Variants in CMTR1 observed in about 807,000 individuals in gnomAD.
CMTR1 encodes cap methyltransferase 1, also known as cap-specific mRNA (nucleoside-2'-O-)-methyltransferase 1.
A neutral mutation model predicts 107.0 loss-of-function variants in CMTR1; 39 were observed. The ratio of observed to expected loss-of-function variants is 0.36; its 90% confidence interval spans 0.28 to 0.48. The LOEUF (loss-of-function observed/expected upper bound fraction) is 0.48, where lower values mean the gene tolerates loss of function less well. Among genes scored for constraint, CMTR1 ranks in the 20% least tolerant of loss-of-function variants. CMTR1 has a pLI of 0.99. For synonymous variants in CMTR1, 366 were observed against 379.5 expected, an observed-to-expected ratio of 0.96 and a Z score of 0.41; for missense variants, 672 against 1,064.9, an observed-to-expected ratio of 0.63 and a Z score of 5.14.
chr6:37,442,579 CAAT>C, intron 2 of CMTR1, among the ~76,000 whole-genome samples: 1 of 152,314 alleles, frequency 6.6e-6, no homozygotes, highest in Non-Finnish European at 1.5e-5. Context: ...AAGTGGCAAA[CAAT>C]AACTGGCTCT....
intron 2 of CMTR1, 110 bp from the exon 3 acceptor site, chr6:37,443,889 T>G: frequency 8.3e-7 from 1 of 1,206,258 alleles, no homozygotes; most frequent in Non-Finnish European, 1.1e-6. Context: ...TTAATGAACT[T>G]TATATGTGCA....
At chr6:37,431,562 C>T (rs1394331422), upstream of CMTR1, among the ~76,000 whole-genome samples, 1 of 152,166 alleles carries the variant, frequency 6.6e-6, no homozygotes, top group Non-Finnish European at 1.5e-5. Flanking sequence ...ACAGAGTTTA[C>T]AGCTGAGTCG....
intron 5 of CMTR1, among the ~76,000 whole-genome samples, chr6:37,451,249 C>T (rs185134366): frequency 6.6e-6 from 1 of 152,082 alleles, no homozygotes; most frequent in Non-Finnish European, 1.5e-5. Context: ...TCAGGATCCT[C>T]AATAATTTTT....
Position 37,458,645 on chromosome 6 carries a change from C to T in CMTR1, c.811C>T (p.Leu271=), listed in dbSNP as rs564663246. 6.2e-7 allele frequency: 1 copy of T among 1,613,886 alleles called. No homozygotes were observed. The highest frequency in any genetic ancestry group is 1.7e-5 in the Admixed American group (1 of 60,012). The change falls in exon 9 of 24, where the codon CTG becomes TTG. Residue 271 remains leucine, a synonymous_variant. Transcript: ENST00000373451. The surrounding 1 kb of genome is among the most constrained non-coding windows in gnomAD (Gnocchi z 4.7). ...GGTGAAGGACCGGGAAGCTGAGCTTCTGTACTTTGCTGATGTCTGCGCAGG... is the reference window on the plus strand; with the variant it reads ...GGTGAAGGACCGGGAAGCTGAGCTTTTGTACTTTGCTGATGTCTGCGCAGG... The part of the protein sequence containing the change: ...PLVKDREAEL[L]YFADVCAGPG...
Position 37,480,868 on chromosome 6 carries a change from T to G in CMTR1, c.*723T>G. On this transcript the variant is annotated 3_prime_UTR_variant, in exon 24 of 24. Coordinates refer to ENST00000373451, the MANE Select transcript of CMTR1 (RefSeq NM_015050.3). ...TGAGTATGGAGTTGTAGAGCCATCC[T>G]AGGTGCCATCCCCTTTTGGTCCAAA... is the stretch of plus-strand genomic sequence containing the variant. 1 of 1,194,056 alleles carries G rather than the reference T, an allele frequency of 8.4e-7. No individual in the cohort carries two copies. Among genetic ancestry groups the G allele is most frequent in the Non-Finnish European group, 1.1e-6 (1 of 945,950 alleles). The allele number at this position is 1,194,056 out of a possible 1,614,324, so 74.0% of individuals were successfully genotyped here.
upstream of CMTR1, chr6:37,433,177 C>T (rs926568041): frequency 1.3e-5 from 2 of 152,716 alleles, no homozygotes; most frequent in African/African-American, 4.8e-5. Context: ...CGGGGGAGGA[C>T]CGAGGCGCGG....
At chr6:37,465,108 A>C (rs1014854779) in intron 13 of CMTR1, among the ~76,000 whole-genome samples, 1 of 152,048 alleles carries the variant, frequency 6.6e-6, no homozygotes, top group Non-Finnish European at 1.5e-5. Flanking sequence ...ATCTCTACTG[A>C]AAATACAAAA....
At chr6:37,465,195 G>C (rs1037603784) in intron 13 of CMTR1, among the ~76,000 whole-genome samples, 2 of 151,760 alleles carry the variant, frequency 1.3e-5, no homozygotes, top group African/African-American at 4.8e-5. Context: ...TTGAACCCGG[G>C]AGGCGAGGTT....
chr6:37,461,403 TAACTC>T (rs1440437239), intron 10 of CMTR1, 141 bp from the exon 11 acceptor site: 1 of 520,002 alleles, frequency 1.9e-6, no homozygotes, highest in Non-Finnish European at 3.4e-6. Flanking sequence ...CCTTCTAAAA[TAACTC>T]AACACTGAGC....
chr6:37,462,956 G>GGGGGA lies in CMTR1; in HGVS notation c.1453_1454insGGGGA (p.Val485GlyfsTer3). 5 of 1,614,176 alleles carry GGGGGA rather than the reference G, an allele frequency of 3.1e-6. No homozygotes were observed. The highest frequency in any genetic ancestry group is 4.2e-6 in the Non-Finnish European group (5 of 1,180,014). ...CGTCAACTTGGTGGTCCCCCTGGAG[G>GGGGGA]TGATCAAGGGAGACCATGAATTTAC... On this transcript the variant is annotated frameshift_variant, in exon 13 of 24. Coordinates refer to ENST00000373451, the MANE Select transcript of CMTR1 (RefSeq NM_015050.3). LOFTEE classifies it high-confidence loss of function.
chr6:37,444,191 C>G, intron 3 of CMTR1, 41 bp downstream of exon 3: 1 of 1,594,246 alleles, frequency 6.3e-7, no homozygotes, highest in Non-Finnish European at 8.5e-7. Flanking sequence ...GCCCCACCAG[C>G]AGAGTGAAAG....
At chr6:37,430,166 C>G (rs1333295856), upstream of CMTR1, among the ~76,000 whole-genome samples, 1 of 152,172 alleles carries the variant, frequency 6.6e-6, no homozygotes, top group Non-Finnish European at 1.5e-5. Context: ...TTGGGAAACT[C>G]ACTCTTGATT....
intron 1 of CMTR1, among the ~76,000 whole-genome samples, chr6:37,433,857 A>C (rs933636748): frequency 1.3e-4 from 20 of 152,312 alleles, no homozygotes; most frequent in African/African-American, 4.6e-4. Flanking sequence ...CTGTGGCCGC[A>C]GTCTTTTCCC....
chr6:37,475,509 C>G (rs569775955), intron 19 of CMTR1, 97 bp downstream of exon 19: 30 of 980,506 alleles, frequency 3.1e-5, no homozygotes, highest in East Asian at 3.0e-4. Flanking sequence ...TCTAGGCCTT[C>G]TCTGCTTGTT....
intron 5 of CMTR1, among the ~76,000 whole-genome samples, chr6:37,450,980 A>ACAG (rs1172076377): frequency 2.6e-5 from 4 of 152,218 alleles, no homozygotes; most frequent in African/African-American, 9.6e-5. Context: ...GCAAAGAGGA[A>ACAG]AATCTGGCCT....
intron 19 of CMTR1, chr6:37,475,806 G>C: frequency 2.1e-6 from 1 of 478,754 alleles, no homozygotes; most frequent in Non-Finnish European, 3.8e-6. Flanking sequence ...ATGCTTTGGG[G>C]TGACAGGGCA....
chr6:37,433,120 T>A (rs1166933848), upstream of CMTR1: 1 of 152,274 alleles, frequency 6.6e-6, no homozygotes, highest in Admixed American at 6.5e-5. Flanking sequence ...GGTTGAGAGG[T>A]GGAGCGGGCC....
chr6:37,480,000 C>T lies in CMTR1; in HGVS notation c.2376-13C>T, dbSNP rs542984829. The T allele has an allele frequency of 6.4e-7, 1 of 1,566,240 alleles. No homozygotes were observed. The highest frequency in any genetic ancestry group is 8.6e-7 in the Non-Finnish European group (1 of 1,161,472). ...TGCAGTCCTGACCTCTTTCCCATCC[C>T]TCTCCTCCCCAGCATTTGCTACTAT... On this transcript the variant is annotated splice_polypyrimidine_tract_variant and intron_variant, in intron 23 of 23. Coordinates refer to ENST00000373451, the MANE Select transcript of CMTR1 (RefSeq NM_015050.3).
In CMTR1 at chr6:37,458,203, C is replaced by T. The variant is rs963339384; in HGVS notation, c.778-409C>T. On this transcript the variant is annotated intron_variant, in intron 8 of 23. Coordinates refer to ENST00000373451, the MANE Select transcript of CMTR1 (RefSeq NM_015050.3). This position sits in a 1 kb window ranked among gnomAD's most constrained non-coding sequence, Gnocchi z 4.7. Reference sequence around the variant, plus strand: ...CCGAGTAGCTGGGTTTACAGGTGTGCGCCACCACACCTGGCTAATTTTTTG... The same window carrying T: ...CCGAGTAGCTGGGTTTACAGGTGTGTGCCACCACACCTGGCTAATTTTTTG... Among the ~76,000 whole-genome samples, 10 of 151,776 alleles carry T rather than the reference C, an allele frequency of 6.6e-5. No homozygotes were observed. Among genetic ancestry groups the T allele is most frequent in the Non-Finnish European group, 7.4e-5 (5 of 67,960 alleles).
Sources: allele counts gnomAD v4.1 joint callset (sites outside exome capture counted in the v4.1 genomes callset), GRCh38; gene constraint gnomAD v4.1.1; non-coding constraint Gnocchi (gnomAD v3.1); transcripts MANE v1.5; gene names NCBI Gene and HGNC (gene_info 2026-07-23, HGNC 2026-07-21).